The following MRAP2 variants were observed in gnomAD, a reference collection of about 807,000 sequenced individuals.
MRAP2 encodes the protein melanocortin 2 receptor accessory protein 2, also known as melanocortin-2 receptor accessory protein 2.
In MRAP2, 20 loss-of-function variants were observed where a neutral mutation model predicts 17.4. That is an observed-to-expected ratio of 1.15 (90% CI 0.81 to 1.67). The LOEUF (loss-of-function observed/expected upper bound fraction) is 1.67, where lower values mean the gene tolerates loss of function less well. Ranked by LOEUF, MRAP2 falls within the 40% of genes most tolerant of loss-of-function variation. The pLI, the probability that MRAP2 is intolerant of heterozygous loss-of-function variation, is 0.00. For missense variants in MRAP2, 238 were observed against 240.0 expected (o/e 0.99, Z 0.05); for synonymous variants, 96 against 88.4 (o/e 1.09, Z -0.48).
intron 1 of MRAP2, among the ~76,000 whole-genome samples, chr6:84,046,974 C>T (rs986860155): frequency 6.6e-6 from 1 of 151,436 alleles, no homozygotes; most frequent in Non-Finnish European, 1.5e-5. Flanking sequence ...AAAGGGAATC[C>T]CCACAGGGCT....
At chr6:84,130,737 T>C in the MRAP2 span, among the ~76,000 whole-genome samples, 2 of 152,110 alleles carry the variant, frequency 1.3e-5, no homozygotes, top group African/African-American at 4.8e-5. Context: ...GTCTATTTGA[T>C]TCTTCTCTCT....
chr6:84,033,786 G>C lies in MRAP2; in HGVS notation c.-105G>C, dbSNP rs2099485167. On this transcript the variant is annotated 5_prime_UTR_variant, in exon 1 of 4. Transcript: ENST00000257776. The stretch of plus-strand genomic sequence containing the variant: ...ATCTAGGAGCTACTCGCCCGGCCCT[G>C]GGCGGTGGGAGGCGGCGGCGGCGGC... The C allele has an allele frequency of 2.0e-6, 2 of 986,952 alleles. No individual in the cohort carries two copies. The highest frequency in any genetic ancestry group is 3.5e-5 in the African/African-American group (2 of 57,062). The allele number at this position is 986,952 out of a possible 1,614,324, so 61.1% of individuals were successfully genotyped here.
At chr6:84,039,001 C>A (rs1335175640) in intron 1 of MRAP2, among the ~76,000 whole-genome samples, 3 of 152,306 alleles carry the variant, frequency 2.0e-5, no homozygotes, top group African/African-American at 7.2e-5. Context: ...AGTAGAGTAG[C>A]AATCTGTGTT....
chr6:84,102,168 AT>A, the MRAP2 span, among the ~76,000 whole-genome samples: 2 of 152,216 alleles, frequency 1.3e-5, no homozygotes, highest in Non-Finnish European at 2.9e-5. Flanking sequence ...TGGTTAAAAA[AT>A]TCATAGAGCG....
intron 1 of MRAP2, chr6:84,045,411 G>A (rs748068410): frequency 3.0e-5 from 30 of 983,904 alleles, no homozygotes; most frequent in Middle Eastern, 5.2e-4. Context: ...CCACCTCCAC[G>A]AATGACCTGC....
At chr6:84,111,088 T>C in the MRAP2 span, among the ~76,000 whole-genome samples, 1 of 152,142 alleles carries the variant, frequency 6.6e-6, no homozygotes, top group African/African-American at 2.4e-5. Flanking sequence ...AAATGAGCTG[T>C]TTTTTTGGTT....
chr6:84,115,715 C>T, the MRAP2 span, among the ~76,000 whole-genome samples: 454 of 152,294 alleles, frequency 3.0e-3, 2 homozygotes, highest in African/African-American at 1.0e-2. Flanking sequence ...GATGTAGGCA[C>T]CGCAGGGAAT....
At chr6:84,117,875 C>T in the MRAP2 span, among the ~76,000 whole-genome samples, 1 of 152,208 alleles carries the variant, frequency 6.6e-6, no homozygotes, top group Admixed American at 6.5e-5. Flanking sequence ...CAGGGGAATA[C>T]TGACTTGTTG....
downstream of MRAP2, among the ~76,000 whole-genome samples, chr6:84,095,430 C>T (rs2099502506): frequency 6.6e-6 from 1 of 152,126 alleles, no homozygotes; most frequent in African/African-American, 2.4e-5. Context: ...CTAAAATGAT[C>T]AAAGAGTATA....
At position 84,089,227 on chromosome 6, in the gene MRAP2, G is replaced by A. The variant is rs2099501220; in HGVS notation, c.364G>A (p.Glu122Lys). 6.2e-7 allele frequency: 1 copy of A among 1,614,202 alleles called. No individual in the cohort carries two copies. The highest frequency in any genetic ancestry group is 8.5e-7 in the Non-Finnish European group (1 of 1,180,046). ...SRSLFHCYIN[E>K]VERLDRAKAC... ...GTCTCTCTTTCACTGCTACATCAAT[G>A]AGGTGGAACGCTTGGACAGAGCCAA... Residue 122 changes from glutamate (E) to lysine (K), a missense_variant, in exon 4 of 4, where the codon GAG becomes AAG. By Grantham distance (56) the Glu-to-Lys change is moderately conservative (BLOSUM62 1). Coordinates refer to ENST00000257776, the MANE Select transcript of MRAP2 (RefSeq NM_138409.4).
At chr6:84,129,979 A>AGCATG in the MRAP2 span, among the ~76,000 whole-genome samples, 1 of 152,210 alleles carries the variant, frequency 6.6e-6, no homozygotes, top group African/African-American at 2.4e-5. Context: ...TTGCCCATTC[A>AGCATG]GCATGATATT....
At chr6:84,066,858 T>C in intron 3 of MRAP2, among the ~76,000 whole-genome samples, 1 of 152,210 alleles carries the variant, frequency 6.6e-6, no homozygotes. Context: ...TTCCTTCTAT[T>C]GAACCGGAGA....
At chr6:84,050,890 T>C (rs2099490249) in intron 1 of MRAP2, among the ~76,000 whole-genome samples, 1 of 152,198 alleles carries the variant, frequency 6.6e-6, no homozygotes, top group African/African-American at 2.4e-5. Context: ...CTGGTCAGCA[T>C]AGGTCTTTGG....
At chr6:84,141,867 G>A in the MRAP2 span, among the ~76,000 whole-genome samples, 6 of 151,972 alleles carry the variant, frequency 3.9e-5, no homozygotes, top group Admixed American at 6.6e-5. Context: ...CCTTAAGACT[G>A]TCCTGTGCTC....
intron 2 of MRAP2, among the ~76,000 whole-genome samples, chr6:84,058,130 G>A (rs1279184301): frequency 3.3e-5 from 5 of 152,192 alleles, no homozygotes; most frequent in Non-Finnish European, 7.3e-5. Flanking sequence ...AGTCACTGGA[G>A]GGTCTGGAGC....
At chr6:84,142,475 AAG>A in the MRAP2 span, among the ~76,000 whole-genome samples, 3 of 152,164 alleles carry the variant, frequency 2.0e-5, no homozygotes, top group Non-Finnish European at 4.4e-5. Flanking sequence ...TAATTCATAA[AAG>A]AGCACTATTT....
rs74510612 is a variant in MRAP2 at position 84,056,375 on chromosome 6, C to G, written c.127+930C>G. The stretch of plus-strand genomic sequence containing the variant: ...TGGCATTCATGATCTCTTGCACCAA[C>G]TTGGTGCTCTTTTGCAAGAAGGGCT... On this transcript the variant is annotated intron_variant, in intron 2 of 3. Coordinates refer to ENST00000257776, the MANE Select transcript of MRAP2 (RefSeq NM_138409.4). Among the ~76,000 whole-genome samples, 1,149 of 152,316 alleles carry G rather than the reference C, an allele frequency of 7.5e-3. 18 individuals carry two copies. Among genetic ancestry groups the G allele is most frequent in the African/African-American group, 0.026 (1,061 of 41,564 alleles).
intron 1 of MRAP2, among the ~76,000 whole-genome samples, chr6:84,043,649 A>AT (rs1238471382): frequency 8.0e-6 from 1 of 125,456 alleles, no homozygotes; most frequent in Non-Finnish European, 1.6e-5. Flanking sequence ...CTGTGTGTGT[A>AT]TGGGGGGGTG....
At chr6:84,123,062 A>C in the MRAP2 span, among the ~76,000 whole-genome samples, 1 of 152,134 alleles carries the variant, frequency 6.6e-6, no homozygotes, top group East Asian at 1.9e-4. Flanking sequence ...CAAAGCACAG[A>C]AGAAACTGCA....
Sources: gnomAD v4.1 joint callset for allele counts (sites outside exome capture counted in the v4.1 genomes callset) on GRCh38, gnomAD v4.1.1 for gene constraint, MANE v1.5 for transcripts, NCBI Gene and HGNC (gene_info 2026-07-23, HGNC 2026-07-21) for gene names.